The following INPP4A variants were observed in gnomAD, a reference collection of about 807,000 sequenced individuals.
The protein encoded by INPP4A is inositol polyphosphate-4-phosphatase type I A.
INPP4A carries 33 observed loss-of-function variants against 119.8 expected under a neutral mutation model. The ratio of observed to expected loss-of-function variants is 0.28; its 90% CI spans 0.21 to 0.37. The LOEUF is 0.37. Ranked by LOEUF, INPP4A falls within the 10% of genes least tolerant of loss-of-function variation. The pLI, the probability that INPP4A is intolerant of heterozygous loss-of-function variation, is 1.00. For synonymous variants in INPP4A, 496 were observed against 500.7 expected (o/e 0.99, Z 0.12); for missense variants, 956 against 1,289.9 (o/e 0.74, Z 3.97).
intron 5 of INPP4A, among the ~76,000 whole-genome samples, chr2:98,534,301 G>C (rs1689804023): frequency 6.6e-6 from 1 of 152,378 alleles, no homozygotes; most frequent in South Asian, 2.1e-4. Context: ...GAATTGACCA[G>C]CTGGTGGGTG....
chr2:98,485,407 T>C (rs567804653), intron 1 of INPP4A, among the ~76,000 whole-genome samples: 2 of 152,132 alleles, frequency 1.3e-5, no homozygotes, highest in African/African-American at 4.8e-5. Flanking sequence ...AAGGTATCTG[T>C]GGGGGGTGGG....
At chr2:98,471,595 G>A (rs1001738007) in intron 1 of INPP4A, among the ~76,000 whole-genome samples, 3 of 152,208 alleles carry the variant, frequency 2.0e-5, no homozygotes, top group Admixed American at 6.5e-5. Flanking sequence ...TGAGCGCTCA[G>A]GAACCAAGGT....
intron 1 of INPP4A, among the ~76,000 whole-genome samples, chr2:98,482,329 A>G (rs1678643116): frequency 6.6e-6 from 1 of 152,234 alleles, no homozygotes; most frequent in South Asian, 2.1e-4. Context: ...AGGTTAAATC[A>G]CTTTTCCTAT....
chr2:98,495,193 GA>G (rs1346320066), intron 1 of INPP4A, among the ~76,000 whole-genome samples: 1 of 152,168 alleles, frequency 6.6e-6, no homozygotes, highest in Non-Finnish European at 1.5e-5. Flanking sequence ...AATAATGACA[GA>G]AAAATGGGTA....
chr2:98,543,761 GCCCTGGGCAT>G, intron 10 of INPP4A, 106 bp from the exon 11 acceptor site: 2 of 1,320,542 alleles, frequency 1.5e-6, no homozygotes, highest in Non-Finnish European at 2.1e-6. Context: ...GTCCTGGCCT[GCCCTGGGCAT>G]CCATGATACT....
intron 1 of INPP4A, among the ~76,000 whole-genome samples, chr2:98,491,206 A>G (rs950023461): frequency 2.0e-5 from 3 of 152,204 alleles, no homozygotes; most frequent in African/African-American, 7.2e-5. Context: ...GGGTAGTAAC[A>G]TAGTCAGATG....
intron 1 of INPP4A, among the ~76,000 whole-genome samples, chr2:98,517,852 G>GT (rs1686440011): frequency 6.6e-6 from 1 of 152,208 alleles, no homozygotes; most frequent in Admixed American, 6.5e-5. Context: ...CTTTCTGAAT[G>GT]TTTGAACTAC....
intron 1 of INPP4A, among the ~76,000 whole-genome samples, chr2:98,509,742 C>T (rs1455405976): frequency 6.6e-6 from 1 of 152,204 alleles, no homozygotes; most frequent in Admixed American, 6.5e-5. Flanking sequence ...ATTGTGAGCA[C>T]CTGTTTTGCT....
At chr2:98,454,444 A>G (rs1695754197) in intron 1 of INPP4A, among the ~76,000 whole-genome samples, 1 of 152,156 alleles carries the variant, frequency 6.6e-6, no homozygotes, top group Non-Finnish European at 1.5e-5. Context: ...AACCCAAGTC[A>G]GCTTTCTCAT....
At chr2:98,586,670 G>A (rs1699990160) in intron 24 of INPP4A, among the ~76,000 whole-genome samples, 1 of 152,178 alleles carries the variant, frequency 6.6e-6, no homozygotes, top group Non-Finnish European at 1.5e-5. Flanking sequence ...TTTGCCCCCT[G>A]GATTGCCATG....
chr2:98,532,144 C>G (rs912650942), intron 4 of INPP4A, among the ~76,000 whole-genome samples: 1 of 152,144 alleles, frequency 6.6e-6, no homozygotes, highest in African/African-American at 2.4e-5. Context: ...AGATATCTTC[C>G]CAGGTAAACT....
Position 98,552,783 on chromosome 2 carries a change from C to T in INPP4A, c.1164-3C>T. The stretch of plus-strand genomic sequence containing the variant: ...CCTTAGAATCCATTCTTATCCTTTC[C>T]AGTACATCATCTGGCTGCCAGTCCA... On this transcript the variant is annotated splice_polypyrimidine_tract_variant and splice_region_variant and intron_variant, in intron 13 of 24. Transcript: ENST00000409851. 1 of 1,608,518 alleles carries T rather than the reference C, an allele frequency of 6.2e-7. No homozygotes were observed. The highest frequency in any genetic ancestry group is 2.2e-5 in the East Asian group (1 of 44,856).
chr2:98,523,400 G>GTT (rs539205115), intron 4 of INPP4A, among the ~76,000 whole-genome samples: 57 of 143,380 alleles, frequency 4.0e-4, no homozygotes, highest in African/African-American at 1.3e-3. Flanking sequence ...TTGTTTTTTT[G>GTT]TTTTTTTTTT....
At chr2:98,555,079 C>T (rs1157106263) in intron 15 of INPP4A, among the ~76,000 whole-genome samples, 1 of 152,198 alleles carries the variant, frequency 6.6e-6, no homozygotes, top group Admixed American at 6.5e-5. Flanking sequence ...AACTATTAAT[C>T]AGCAGCAAAG....
At chr2:98,551,529 G>C (rs71429396) in intron 13 of INPP4A, among the ~76,000 whole-genome samples, 1 of 152,178 alleles carries the variant, frequency 6.6e-6, no homozygotes, top group East Asian at 1.9e-4. Flanking sequence ...ACATAATCCA[G>C]CAAGGGAAGG....
In INPP4A at chr2:98,593,001, T is replaced by A. The variant is rs1162012046; in HGVS notation, c.*5393T>A. ...ACCCTCCATACGATTCCACCCCCCA[T>A]CCTGTGCCAACAGTAGGCAAACGGA... On this transcript the variant is annotated 3_prime_UTR_variant, in exon 25 of 25. Transcript: ENST00000409851. The A allele has an allele frequency of 3.3e-5, 5 of 152,268 alleles. No homozygotes were observed. The highest frequency in any genetic ancestry group is 2.6e-4 in the Admixed American group (4 of 15,282). The allele number at this position is 152,268 out of a possible 1,614,324, so 9.4% of individuals were successfully genotyped here. A position where few individuals can be genotyped will look rare whatever the true frequency, so the allele number is the denominator to read the frequency against.
intron 17 of INPP4A, 22 bp downstream of exon 17, chr2:98,559,517 C>A: frequency 6.2e-7 from 1 of 1,612,188 alleles, no homozygotes; most frequent in Non-Finnish European, 8.5e-7. Flanking sequence ...CCGTTCAAGG[C>A]TCCTGCTGAT....
At chr2:98,555,053 T>C (rs890227321) in intron 15 of INPP4A, among the ~76,000 whole-genome samples, 2 of 152,242 alleles carry the variant, frequency 1.3e-5, no homozygotes, top group African/African-American at 4.8e-5. Context: ...TTAGAGGCAT[T>C]GTTCTACAAG....
rs370800511 is a variant in INPP4A, at chr2:98,559,389, T to G, written c.1823-74T>G. ...TGCAAGCTGCTGACGCAGCTGCTGC[T>G]CTGAGATTGAGTTGCTTGGTTTGAA... is the stretch of plus-strand genomic sequence containing the variant. On this transcript the variant is annotated intron_variant, in intron 16 of 24. Transcript: ENST00000409851. 1.1e-3 allele frequency: 1,747 copies of G among 1,550,488 alleles called. 8 individuals carry two copies. Among genetic ancestry groups the G allele is most frequent in the Middle Eastern group, 4.0e-3 (24 of 5,954 alleles).
Sources: allele counts gnomAD v4.1 joint callset (sites outside exome capture counted in the v4.1 genomes callset), GRCh38; gene constraint gnomAD v4.1.1; transcripts MANE v1.5; gene names NCBI Gene and HGNC (gene_info 2026-07-23, HGNC 2026-07-21).